INPP4B: variants seen among roughly 807,000 people sequenced by gnomAD.
INPP4B encodes inositol polyphosphate-4-phosphatase type II B.
INPP4B carries 55 observed loss-of-function variants against 122.5 expected under a neutral mutation model. The observed-to-expected ratio is 0.45, with a 90% CI of 0.36 to 0.56. INPP4B has a LOEUF of 0.56. Ranked by LOEUF, INPP4B falls within the 20% of genes least tolerant of loss-of-function variation. The probability of loss-of-function intolerance (pLI) is 0.00; values close to 1 mark genes in which losing one functional copy is unlikely to be tolerated. For missense variants in INPP4B, 1,000 were observed against 1,097.7 expected, an observed-to-expected ratio of 0.91 and a Z score of 1.26; for synonymous variants, 403 against 388.7, an observed-to-expected ratio of 1.04 and a Z score of -0.43.
intron 2 of INPP4B, among the ~76,000 whole-genome samples, chr4:142,692,449 C>T (rs181231927): frequency 3.3e-5 from 5 of 152,160 alleles, no homozygotes; most frequent in African/African-American, 1.2e-4. Context: ...GCCTGTAACC[C>T]TAGCACTTTA....
At chr4:142,560,184 A>C (rs1207970180) in intron 2 of INPP4B, among the ~76,000 whole-genome samples, 2 of 152,320 alleles carry the variant, frequency 1.3e-5, no homozygotes, top group East Asian at 3.9e-4. Flanking sequence ...CTCAATGCTA[A>C]CAGCCTGCGC....
intron 7 of INPP4B, among the ~76,000 whole-genome samples, chr4:142,336,148 T>C (rs1278235911): frequency 6.6e-6 from 1 of 152,224 alleles, no homozygotes; most frequent in Admixed American, 6.5e-5. Flanking sequence ...CTGACAGCTT[T>C]TCTTCTGTTG....
intron 12 of INPP4B, among the ~76,000 whole-genome samples, chr4:142,230,638 C>T (rs2149836008): frequency 9.2e-6 from 1 of 109,178 alleles, no homozygotes. Flanking sequence ...AGTAAAACTC[C>T]ACCTCAAAAA....
At chr4:142,283,469 G>A (rs193121493) in intron 9 of INPP4B, among the ~76,000 whole-genome samples, 119 of 152,234 alleles carry the variant, frequency 7.8e-4, no homozygotes, top group African/African-American at 2.7e-3. Context: ...TAAGAAATAT[G>A]CCATTAGGCA....
At chr4:142,436,254 C>G (rs962278944) in intron 3 of INPP4B, among the ~76,000 whole-genome samples, 2 of 152,164 alleles carry the variant, frequency 1.3e-5, no homozygotes, top group Admixed American at 1.3e-4. Flanking sequence ...GAACTCTGAT[C>G]TCCCTGGGCC....
At chr4:142,502,551 T>C (rs1324512558) in intron 2 of INPP4B, among the ~76,000 whole-genome samples, 1 of 152,092 alleles carries the variant, frequency 6.6e-6, no homozygotes, top group Non-Finnish European at 1.5e-5. Flanking sequence ...TGCAATGACG[T>C]AATTTCAGCT....
At chr4:142,680,696 C>A (rs1758493559) in intron 2 of INPP4B, among the ~76,000 whole-genome samples, 1 of 151,844 alleles carries the variant, frequency 6.6e-6, no homozygotes, top group Non-Finnish European at 1.5e-5. Context: ...ATTGATTCAC[C>A]AAATACAGTT....
At chr4:142,386,352 A>T (rs559897756) in intron 7 of INPP4B, among the ~76,000 whole-genome samples, 2 of 152,302 alleles carry the variant, frequency 1.3e-5, no homozygotes, top group African/African-American at 4.8e-5. Flanking sequence ...TGAGCATGGG[A>T]GTACAGATAC....
intron 2 of INPP4B, among the ~76,000 whole-genome samples, chr4:142,526,199 A>C (rs2149958297): frequency 6.6e-6 from 1 of 152,214 alleles, no homozygotes; most frequent in South Asian, 2.1e-4. Context: ...GAAAGACAGC[A>C]GTCTGCAAAG....
At chr4:142,323,657 G>C (rs183906340) in intron 7 of INPP4B, among the ~76,000 whole-genome samples, 1 of 151,928 alleles carries the variant, frequency 6.6e-6, no homozygotes, top group South Asian at 2.1e-4. Context: ...ATGTTAGCCA[G>C]GATGGTCTCA....
intron 2 of INPP4B, among the ~76,000 whole-genome samples, chr4:142,677,939 T>C (rs902353866): frequency 2.0e-5 from 3 of 151,856 alleles, no homozygotes; most frequent in African/African-American, 4.8e-5. Flanking sequence ...CGTATACCTT[T>C]GTAACAAACC....
rs1255921778 is a variant in INPP4B, at chr4:142,094,409, AG to A, written c.2375-8154del. On this transcript the variant is annotated intron_variant, in intron 23 of 25. Transcript: ENST00000262992. ...CATCCCTGCATTTTACCCCAATGAT[AG>A]CCCTAGCAATAAATGGCTCCTTGAG... Among the ~76,000 whole-genome samples the A allele has an allele frequency of 2.0e-5, 3 of 152,188 alleles. No individual in the cohort carries two copies. The East Asian group carries it at 5.8e-4, about 29-fold the overall frequency.
chr4:142,685,109 A>G (rs879274730), intron 2 of INPP4B, among the ~76,000 whole-genome samples: 7 of 152,124 alleles, frequency 4.6e-5, no homozygotes, highest in Non-Finnish European at 8.8e-5. Context: ...AAGGCAGAAC[A>G]GTCAGTGATA....
At chr4:142,582,773 G>A (rs962014117) in intron 2 of INPP4B, among the ~76,000 whole-genome samples, 3 of 152,124 alleles carry the variant, frequency 2.0e-5, no homozygotes, top group African/African-American at 7.2e-5. Flanking sequence ...TTGCTGATCT[G>A]TGGCTGCTAA....
At chr4:142,576,406 A>T (rs1429775215) in intron 2 of INPP4B, among the ~76,000 whole-genome samples, 3 of 151,990 alleles carry the variant, frequency 2.0e-5, no homozygotes, top group Non-Finnish European at 2.9e-5. Flanking sequence ...AAGATCATAG[A>T]TATGTCTTTC....
intron 2 of INPP4B, among the ~76,000 whole-genome samples, chr4:142,644,244 AAAGAG>A (rs1396041586): frequency 8.5e-5 from 12 of 141,990 alleles, no homozygotes; most frequent in Admixed American, 5.6e-4. Context: ...GAAGGAGGAG[AAAGAG>A]AAGGAAGGGG....
intron 2 of INPP4B, chr4:142,514,653 A>G (rs992869651): frequency 6.6e-6 from 1 of 152,116 alleles, no homozygotes; most frequent in African/African-American, 2.4e-5. Flanking sequence ...TTCTTATCAC[A>G]ATAATAATAT....
chr4:142,224,917 T>A (rs756793025), intron 12 of INPP4B, among the ~76,000 whole-genome samples: 2 of 152,180 alleles, frequency 1.3e-5, no homozygotes, highest in Non-Finnish European at 2.9e-5. Flanking sequence ...TTAAAGTTTA[T>A]ATGTCCCAAA....
At chr4:142,180,403 A>G (rs1423904096) in intron 15 of INPP4B, among the ~76,000 whole-genome samples, 2 of 152,192 alleles carry the variant, frequency 1.3e-5, no homozygotes, top group African/African-American at 2.4e-5. Context: ...GAGAGTGCCT[A>G]ATAAAGCCAA....
Sources: allele counts gnomAD v4.1 joint callset (sites outside exome capture counted in the v4.1 genomes callset), GRCh38; gene constraint gnomAD v4.1.1; transcripts MANE v1.5; gene names NCBI Gene and HGNC (gene_info 2026-07-23, HGNC 2026-07-21).